The following RARB variants were observed in gnomAD, a reference collection of about 807,000 sequenced individuals.
The protein encoded by RARB is HBV-activated protein.
In RARB, 17 loss-of-function variants were observed where a neutral mutation model predicts 51.9. The observed-to-expected ratio is 0.33, with a 90% CI of 0.22 to 0.49. RARB has a LOEUF of 0.49. Among genes scored for constraint, RARB ranks in the 20% least tolerant of loss-of-function variants. The probability of loss-of-function intolerance (pLI) is 0.99; values close to 1 mark genes in which losing one functional copy is unlikely to be tolerated. For missense variants in RARB, 369 were observed against 550.8 expected, an observed-to-expected ratio of 0.67 and a Z score of 3.30; for synonymous variants, 215 against 195.4, an observed-to-expected ratio of 1.10 and a Z score of -0.84.
intron 3 of RARB, among the ~76,000 whole-genome samples, chr3:25,538,295 A>G (rs1013128971): frequency 6.6e-6 from 1 of 152,176 alleles, no homozygotes; most frequent in African/African-American, 2.4e-5. Flanking sequence ...CCATAATTCG[A>G]CTCAGTTATA....
chr3:25,594,822 C>T, intron 7 of RARB, 144 bp downstream of exon 7: 1 of 561,404 alleles, frequency 1.8e-6, no homozygotes, highest in Non-Finnish European at 2.7e-6. Flanking sequence ...AAAGGAAATA[C>T]TATCCCTCCC....
chr3:25,521,432 G>T (rs1698397181), intron 3 of RARB, among the ~76,000 whole-genome samples: 1 of 152,140 alleles, frequency 6.6e-6, no homozygotes, highest in Non-Finnish European at 1.5e-5. Context: ...CTGCTGCAGA[G>T]AGCTGACAGC....
intron 3 of RARB, among the ~76,000 whole-genome samples, chr3:25,531,197 A>G (rs1452921820): frequency 6.6e-6 from 1 of 152,138 alleles, no homozygotes; most frequent in Non-Finnish European, 1.5e-5. Flanking sequence ...AGCACCAGTT[A>G]AGGGCTGAGG....
chr3:24,980,515 T>C (rs1425024367), intron 2 of RARB, among the ~76,000 whole-genome samples: 1 of 152,154 alleles, frequency 6.6e-6, no homozygotes, highest in African/African-American at 2.4e-5. Context: ...AATTTGATCT[T>C]CAGTCGATCA....
At chr3:25,299,931 CCTATGT>C (rs1328330947) in intron 5 of RARB, among the ~76,000 whole-genome samples, 3 of 152,198 alleles carry the variant, frequency 2.0e-5, no homozygotes, top group African/African-American at 7.2e-5. Context: ...CAGTTTGCTT[CCTATGT>C]CTAATTGCCA....
At chr3:24,985,577 A>G (rs1575106275) in intron 2 of RARB, among the ~76,000 whole-genome samples, 1 of 152,204 alleles carries the variant, frequency 6.6e-6, no homozygotes, top group Admixed American at 6.5e-5. Flanking sequence ...TACAAAACAC[A>G]TGTCAAGAAC....
At chr3:25,323,151 G>A (rs1704620556) in intron 5 of RARB, among the ~76,000 whole-genome samples, 1 of 142,868 alleles carries the variant, frequency 7.0e-6, no homozygotes, top group Non-Finnish European at 1.6e-5. Flanking sequence ...AAACATGGAG[G>A]CTCAAGGCAA....
rs962977259 is a variant in RARB, at chr3:25,346,114, C to T, written c.179-115079C>T. On this transcript the variant is annotated intron_variant, in intron 5 of 11. Coordinates refer to the RARB transcript ENST00000383772. Reference sequence around the variant, plus strand: ...CAAAGCAAGGACAGCTGAGGCCTCTCTCCATGTAGTCTCTCAGTCTTGTCC... The same window carrying T: ...CAAAGCAAGGACAGCTGAGGCCTCTTTCCATGTAGTCTCTCAGTCTTGTCC... Among the ~76,000 whole-genome samples, 6 of 152,176 alleles carry T rather than the reference C, an allele frequency of 3.9e-5. No homozygotes were observed. The East Asian group carries it at 1.2e-3, about 29-fold the overall frequency.
intron 5 of RARB, among the ~76,000 whole-genome samples, chr3:25,407,197 C>T (rs1707433601): frequency 6.6e-6 from 1 of 152,146 alleles, no homozygotes; most frequent in South Asian, 2.1e-4. Context: ...TGATATGTTC[C>T]TCAACAGAAC....
chr3:25,523,494 T>G (rs1255017749), intron 3 of RARB, among the ~76,000 whole-genome samples: 1 of 152,200 alleles, frequency 6.6e-6, no homozygotes, highest in South Asian at 2.1e-4. Context: ...GCAACATCAA[T>G]GGCTAATTAG....
At chr3:25,222,732 G>A (rs1701974380) in intron 5 of RARB, among the ~76,000 whole-genome samples, 2 of 152,092 alleles carry the variant, frequency 1.3e-5, no homozygotes, top group South Asian at 2.1e-4. Flanking sequence ...GAGATGCTAA[G>A]AACTTGATGG....
At chr3:25,142,455 G>A (rs1040354344) in intron 4 of RARB, among the ~76,000 whole-genome samples, 2 of 152,138 alleles carry the variant, frequency 1.3e-5, no homozygotes, top group African/African-American at 2.4e-5. Context: ...AAGTCCTGCC[G>A]GATACCTTTA....
chr3:25,253,281 G>C (rs897079743), intron 5 of RARB, among the ~76,000 whole-genome samples: 1 of 152,102 alleles, frequency 6.6e-6, no homozygotes, highest in African/African-American at 2.4e-5. Flanking sequence ...GGAGGGCTGA[G>C]TTGTACATCC....
At chr3:25,580,503 C>A in intron 4 of RARB, 43 bp from the exon 5 acceptor site, 2 of 1,492,502 alleles carry the variant, frequency 1.3e-6, no homozygotes, top group African/African-American at 1.4e-5. Context: ...TCCTATAGAG[C>A]TTCCCGGAAA....
intron 4 of RARB, among the ~76,000 whole-genome samples, chr3:25,133,691 G>T (rs1699988038): frequency 1.3e-5 from 2 of 151,772 alleles, no homozygotes; most frequent in Admixed American, 1.3e-4. Flanking sequence ...CAATACAGCA[G>T]GCTTGTAAAG....
chr3:24,895,873 A>C (rs1274470711), intron 2 of RARB, among the ~76,000 whole-genome samples: 1 of 152,210 alleles, frequency 6.6e-6, no homozygotes, highest in Admixed American at 6.5e-5. Flanking sequence ...ATATACTCCC[A>C]AAAATTGAAA....
At chr3:25,488,309 A>G (rs1015244950) in intron 2 of RARB, among the ~76,000 whole-genome samples, 4 of 152,250 alleles carry the variant, frequency 2.6e-5, no homozygotes, top group South Asian at 4.1e-4. Context: ...AAGGCCAGCC[A>G]TGTCCAAGGA....
At chr3:25,210,959 T>A (rs376708844) in intron 5 of RARB, among the ~76,000 whole-genome samples, 2 of 152,190 alleles carry the variant, frequency 1.3e-5, no homozygotes, top group South Asian at 2.1e-4. Context: ...TTATTTGCGA[T>A]GTGACTTTGA....
At chr3:25,325,984 C>A (rs1704705729) in intron 5 of RARB, among the ~76,000 whole-genome samples, 1 of 152,106 alleles carries the variant, frequency 6.6e-6, no homozygotes, top group African/African-American at 2.4e-5. Flanking sequence ...GACTGTACAT[C>A]CCCTATCATC....
Sources: allele counts gnomAD v4.1 joint callset (sites outside exome capture counted in the v4.1 genomes callset), GRCh38; gene constraint gnomAD v4.1.1; transcripts MANE v1.5; gene names NCBI Gene and HGNC (gene_info 2026-07-23, HGNC 2026-07-21).